KCNQ3: variants seen among roughly 807,000 people sequenced by gnomAD.
The protein encoded by KCNQ3 is potassium voltage-gated channel subfamily Q member 3.
In KCNQ3, 30 loss-of-function variants were observed where a neutral mutation model predicts 92.5. The observed-to-expected ratio is 0.32, with a 90% CI of 0.24 to 0.44. KCNQ3 has a LOEUF of 0.44. Ranked by LOEUF, KCNQ3 falls within the 20% of genes least tolerant of loss-of-function variation. The pLI is 1.00. For missense variants in KCNQ3, 913 were observed against 1,140.3 expected (o/e 0.80, Z 2.87); for synonymous variants, 450 against 468.8 (o/e 0.96, Z 0.52).
At chr8:132,398,674 A>G (rs953322668) in intron 1 of KCNQ3, among the ~76,000 whole-genome samples, 1 of 152,242 alleles carries the variant, frequency 6.6e-6, no homozygotes, top group African/African-American at 2.4e-5. Context: ...AAAGACAGGC[A>G]GAAATTGGAT....
chr8:132,345,310 A>G (rs1485227633), intron 1 of KCNQ3, among the ~76,000 whole-genome samples: 1 of 152,192 alleles, frequency 6.6e-6, no homozygotes, highest in Non-Finnish European at 1.5e-5. Context: ...AAAAAGTGCA[A>G]TGAAGGTGAA....
chr8:132,480,425 GGCC>G lies in KCNQ3; in HGVS notation c.105_107del (p.Ala36del). The G allele has an allele frequency of 2.7e-6, 4 of 1,466,644 alleles. No homozygotes were observed. Among genetic ancestry groups the G allele is most frequent in the Admixed American group, 2.1e-5 (1 of 46,778 alleles). The allele number at this position is 1,466,644 out of a possible 1,614,324, so 90.9% of individuals were successfully genotyped here. A position where few individuals can be genotyped will look rare whatever the true frequency, so the allele number is the denominator to read the frequency against. On this transcript the variant is annotated inframe_deletion, in exon 1 of 15. Transcript: ENST00000388996. ...GCCCCACTTTCCGCTCCTCGTCGCC[GGCC>G]GCCGCCGCGTCCCCTCCGGCTGGGT...
intron 1 of KCNQ3, among the ~76,000 whole-genome samples, chr8:132,462,464 A>G (rs912386256): frequency 6.6e-6 from 1 of 152,254 alleles, no homozygotes; most frequent in Non-Finnish European, 1.5e-5. Flanking sequence ...CTGAAATTAC[A>G]GGCGTGAGCC....
chr8:132,238,407 G>A (rs1177703265), intron 1 of KCNQ3, among the ~76,000 whole-genome samples: 1 of 152,122 alleles, frequency 6.6e-6, no homozygotes, highest in African/African-American at 2.4e-5. Flanking sequence ...CTCTCCTCAT[G>A]AGCCCCTGAA....
At chr8:132,204,492 C>G (rs1384356065) in intron 1 of KCNQ3, among the ~76,000 whole-genome samples, 1 of 152,198 alleles carries the variant, frequency 6.6e-6, no homozygotes. Context: ...TCATTCTGGT[C>G]CCCCATTCTC....
At position 132,349,109 on chromosome 8, in the gene KCNQ3, C is replaced by T. The variant is rs745925502; in HGVS notation, c.386+131038G>A. 2.0e-5 allele frequency among the ~76,000 whole-genome samples: 3 copies of T among 152,300 alleles called. No homozygotes were observed. In the South Asian group the frequency reaches 6.2e-4, roughly 32 times the overall value. On this transcript the variant is annotated intron_variant, in intron 1 of 14. Transcript: ENST00000388996. ...GTCCTGGAGAGCCCTTCCACACTTC[C>T]GCCCTGGGAGCTTGTCACAGTAATG...
intron 1 of KCNQ3, among the ~76,000 whole-genome samples, chr8:132,366,521 C>T (rs1209597879): frequency 1.3e-5 from 2 of 152,082 alleles, no homozygotes; most frequent in South Asian, 2.1e-4. Context: ...TACCTTTCAA[C>T]CTCCTTTTTT....
intron 1 of KCNQ3, among the ~76,000 whole-genome samples, chr8:132,379,140 G>A (rs1054595514): frequency 6.6e-6 from 1 of 152,048 alleles, no homozygotes; most frequent in Non-Finnish European, 1.5e-5. Context: ...TTATAACCGG[G>A]TTTATGTGTT....
intron 1 of KCNQ3, among the ~76,000 whole-genome samples, chr8:132,463,378 C>G (rs1047100582): frequency 2.6e-5 from 4 of 152,092 alleles, no homozygotes; most frequent in African/African-American, 9.7e-5. Flanking sequence ...CCCTGACAGC[C>G]AAAGCAAACA....
chr8:132,235,668 C>T (rs1012826588), intron 1 of KCNQ3, among the ~76,000 whole-genome samples: 5 of 152,180 alleles, frequency 3.3e-5, no homozygotes, highest in South Asian at 2.1e-4. Flanking sequence ...TTCACTCAGT[C>T]GGTGCCAGTC....
chr8:132,125,205 T>C lies in KCNQ3; in HGVS notation c.*4057A>G, dbSNP rs889761048. The stretch of plus-strand genomic sequence containing the variant: ...CTCTGGAGCTATGAAGTTCAAAGCA[T>C]TGAATCCAAACTCGAAGTCCCCATT... On this transcript the variant is annotated 3_prime_UTR_variant, in exon 15 of 15. Transcript: ENST00000388996. 2.0e-5 allele frequency: 3 copies of C among 152,184 alleles called. No individual in the cohort carries two copies. The highest frequency in any genetic ancestry group is 6.5e-5 in the Admixed American group (1 of 15,278). 9.4% of individuals were successfully genotyped at this position (152,184 alleles called of 1,614,324 possible).
At chr8:132,318,953 T>C (rs1383133780) in intron 1 of KCNQ3, among the ~76,000 whole-genome samples, 1 of 152,130 alleles carries the variant, frequency 6.6e-6, no homozygotes, top group Non-Finnish European at 1.5e-5. Flanking sequence ...GGTTGGAGAC[T>C]TAAAAAGTAC....
At chr8:132,414,493 A>C (rs982684947) in intron 1 of KCNQ3, among the ~76,000 whole-genome samples, 1 of 152,228 alleles carries the variant, frequency 6.6e-6, no homozygotes, top group Non-Finnish European at 1.5e-5. Flanking sequence ...CTACCAGAGA[A>C]GCCCTGTCAC....
intron 1 of KCNQ3, among the ~76,000 whole-genome samples, chr8:132,326,632 C>T (rs755069631): frequency 2.6e-5 from 4 of 152,172 alleles, no homozygotes; most frequent in Non-Finnish European, 5.9e-5. Flanking sequence ...CTTTTGATCT[C>T]TTCCCTCCCC....
At chr8:132,460,009 C>T (rs1401972881) in intron 1 of KCNQ3, among the ~76,000 whole-genome samples, 1 of 152,096 alleles carries the variant, frequency 6.6e-6, no homozygotes, top group African/African-American at 2.4e-5. Flanking sequence ...AGGGGGTGCT[C>T]TTTCAGTTGG....
intron 1 of KCNQ3, among the ~76,000 whole-genome samples, chr8:132,285,456 G>A (rs1816653123): frequency 6.6e-6 from 1 of 152,236 alleles, no homozygotes; most frequent in Admixed American, 6.5e-5. Flanking sequence ...GGGCTTTGTA[G>A]AAGGCCAAAC....
chr8:132,265,586 G>A (rs1304336931), intron 1 of KCNQ3, among the ~76,000 whole-genome samples: 3 of 152,200 alleles, frequency 2.0e-5, no homozygotes, highest in African/African-American at 7.2e-5. Flanking sequence ...CACAGGGACA[G>A]CCAATAATAA....
At position 132,480,522 on chromosome 8, in the gene KCNQ3, T is replaced by G; in HGVS notation, c.11A>C (p.Lys4Thr). 8.2e-7 allele frequency: 1 copy of G among 1,219,996 alleles called. No homozygotes were observed. Among genetic ancestry groups the G allele is most frequent in the Non-Finnish European group, 1.0e-6 (1 of 963,576 alleles). The allele number at this position is 1,219,996 out of a possible 1,614,324, so 75.6% of individuals were successfully genotyped here. The change falls in exon 1 of 15, where the codon AAG becomes ACG. Residue 4 changes from lysine to threonine, a missense_variant. Lys to Thr is a moderately conservative substitution (Grantham distance 78, BLOSUM62 -1). Transcript: ENST00000388996. MGLKARRAAGAAGG... is the reference protein window; with the variant it reads MGLTARRAAGAAGG... ...AGCCGCCCCCGCCGCCCTGCGCGCC[T>G]TGAGCCCCATCTGCCTCGCCCCCGC...
chr8:132,374,370 C>A (rs555813686), intron 1 of KCNQ3, among the ~76,000 whole-genome samples: 1 of 152,160 alleles, frequency 6.6e-6, no homozygotes, highest in East Asian at 1.9e-4. Flanking sequence ...GAAACTTCAT[C>A]GAGGGATGTC....
Sources: gnomAD v4.1 joint callset for allele counts (sites outside exome capture counted in the v4.1 genomes callset) on GRCh38, gnomAD v4.1.1 for gene constraint, MANE v1.5 for transcripts, NCBI Gene and HGNC (gene_info 2026-07-23, HGNC 2026-07-21) for gene names.